The following CDC20B variants were observed in gnomAD, a reference collection of about 807,000 sequenced individuals.
The protein encoded by CDC20B is cell division cycle protein 20 homolog B.
In CDC20B, 58 loss-of-function variants were observed where a neutral mutation model predicts 64.1. That is an observed-to-expected ratio of 0.90 (90% CI 0.73 to 1.13). CDC20B has a LOEUF of 1.13. CDC20B is among the 50% of genes most tolerant of loss of function. The pLI is 0.00. For missense variants in CDC20B, 597 were observed against 633.0 expected (o/e 0.94, Z 0.61); for synonymous variants, 243 against 230.6 (o/e 1.05, Z -0.49).
chr5:55,128,354 T>C (rs1331753368), intron 7 of CDC20B, 67 bp downstream of exon 7: 1 of 1,302,182 alleles, frequency 7.7e-7, no homozygotes, highest in Non-Finnish European at 1.0e-6. Context: ...TAACTTGTTA[T>C]TAAAAGTCAA....
chr5:55,119,023 T>A (rs1742691302), intron 11 of CDC20B, among the ~76,000 whole-genome samples: 1 of 152,110 alleles, frequency 6.6e-6, no homozygotes, highest in Non-Finnish European at 1.5e-5. Flanking sequence ...AAAAAGTACC[T>A]CCCACATAAT....
At chr5:55,169,731 T>A (rs1409993888) in intron 2 of CDC20B, among the ~76,000 whole-genome samples, 2 of 152,214 alleles carry the variant, frequency 1.3e-5, no homozygotes, top group African/African-American at 4.8e-5. Flanking sequence ...GTTGACTGAC[T>A]CATCTGGAAA....
intron 6 of CDC20B, among the ~76,000 whole-genome samples, chr5:55,131,183 A>G (rs1392107559): frequency 6.6e-6 from 1 of 152,162 alleles, no homozygotes; most frequent in African/African-American, 2.4e-5. Flanking sequence ...TGACAACTAC[A>G]ATAACCTAAA....
In CDC20B at chr5:55,120,519, A is replaced by G; in HGVS notation, c.1247T>C (p.Val416Ala). The G allele has an allele frequency of 6.2e-7, 1 of 1,613,722 alleles. No individual in the cohort carries two copies. The highest frequency in any genetic ancestry group is 8.5e-7 in the Non-Finnish European group (1 of 1,179,788). Reference protein sequence around the residue: ...AMDWCPWQSGVLAIGGGMKDG... With the variant: ...AMDWCPWQSGALAIGGGMKDG... ...CTTCATTCCTCCTCCAATGGCAAGG[A>G]CCCCAGACTGCCAGGGACACCAATC... Residue 416 changes from valine (V) to alanine (A), a missense_variant, in exon 10 of 12, where the codon GTC becomes GCC. Val to Ala is a moderately conservative substitution (Grantham distance 64). Around this residue, in one of 3 missense-constraint regions of CDC20B, gnomAD observed 353 missense variants for 397.0 expected, o/e 0.89. Transcript: ENST00000381375.
At chr5:55,125,314 G>A (rs891937482) in intron 8 of CDC20B, among the ~76,000 whole-genome samples, 2 of 152,158 alleles carry the variant, frequency 1.3e-5, no homozygotes, top group Non-Finnish European at 2.9e-5. Context: ...GGAAAAATAA[G>A]CTGAGAAGAT....
chr5:55,143,518 C>G lies in CDC20B; in HGVS notation c.481G>C (p.Gly161Arg). ...GTTTTTTTCTCTTTACCTACCTGCC[C>G]TTTTGAGGCAACACTTTCTTTCCAG... ...RDWKESVASK[G>R]QKCLKQLFVT... Residue 161 changes from glycine to arginine, a missense_variant, in exon 4 of 12, where the codon GGG becomes CGG. Physicochemically the swap from Gly to Arg is moderately radical, Grantham distance 125. Coordinates refer to ENST00000381375, the MANE Select transcript of CDC20B (RefSeq NM_001170402.1). The G allele has an allele frequency of 1.3e-6, 2 of 1,596,456 alleles. No individual in the cohort carries two copies. Among genetic ancestry groups the G allele is most frequent in the Non-Finnish European group, 1.7e-6 (2 of 1,172,050 alleles).
Position 55,119,863 on chromosome 5 carries a change from G to A in CDC20B, c.1397C>T (p.Thr466Ile). ...KTKEIATGQG[T>I]PKNDVTVWTC... Reference sequence around the variant, plus strand: ...CCACACAGTCACATCATTCTTGGGAGTACCTTGACCAGTTGCAATCTCCTT... The same window carrying A: ...CCACACAGTCACATCATTCTTGGGAATACCTTGACCAGTTGCAATCTCCTT... The change falls in exon 11 of 12, where the codon ACT (threonine) becomes ATT (isoleucine). Residue 466 changes from threonine (T) to isoleucine (I), a missense_variant. Coordinates refer to ENST00000381375, the MANE Select transcript of CDC20B (RefSeq NM_001170402.1). 1 of 1,614,070 alleles carries A rather than the reference G, an allele frequency of 6.2e-7. No homozygotes were observed. Among genetic ancestry groups the A allele is most frequent in the Non-Finnish European group, 8.5e-7 (1 of 1,179,932 alleles).
At chr5:55,123,118 G>A (rs1016154700) in intron 9 of CDC20B, among the ~76,000 whole-genome samples, 5 of 152,204 alleles carry the variant, frequency 3.3e-5, no homozygotes, top group African/African-American at 1.2e-4. Flanking sequence ...TACACTCAAA[G>A]TAGAGGTCTT....
At chr5:55,146,335 C>T (rs1443091769) in intron 3 of CDC20B, among the ~76,000 whole-genome samples, 2 of 152,250 alleles carry the variant, frequency 1.3e-5, no homozygotes, top group African/African-American at 4.8e-5. Context: ...CCCGCCCCCA[C>T]ATGGAGTGGC....
intron 9 of CDC20B, among the ~76,000 whole-genome samples, chr5:55,123,402 T>C (rs771792630): frequency 5.3e-5 from 8 of 152,284 alleles, no homozygotes; most frequent in Non-Finnish European, 1.2e-4. Context: ...TATTTATTAA[T>C]AATCATTTTC....
intron 5 of CDC20B, among the ~76,000 whole-genome samples, chr5:55,138,859 A>G (rs1481241125): frequency 6.6e-6 from 1 of 152,124 alleles, no homozygotes; most frequent in Admixed American, 6.5e-5. Flanking sequence ...AGGTTTAAAA[A>G]TAAAAAAGTG....
chr5:55,131,198 A>G (rs1227605961), intron 6 of CDC20B, among the ~76,000 whole-genome samples: 2 of 152,196 alleles, frequency 1.3e-5, no homozygotes, highest in Admixed American at 6.5e-5. Flanking sequence ...CCTAAAAAGT[A>G]GTGGGGACTT....
Position 55,113,975 on chromosome 5 carries a change from G to A in CDC20B, c.*243C>T, listed in dbSNP as rs529639971. On this transcript the variant is annotated 3_prime_UTR_variant, in exon 12 of 12. Coordinates refer to ENST00000381375, the MANE Select transcript of CDC20B (RefSeq NM_001170402.1). ...GAATCTCTAGAAAGGGGTAAGAATGGGAGGAAGAAGAGGAGGGGGAGGAAG... is the reference window on the plus strand; with the variant it reads ...GAATCTCTAGAAAGGGGTAAGAATGAGAGGAAGAAGAGGAGGGGGAGGAAG... The A allele has an allele frequency of 3.4e-5, 18 of 525,156 alleles. No individual in the cohort carries two copies. The highest frequency in any genetic ancestry group is 5.7e-5 in the Non-Finnish European group (18 of 314,414). 32.5% of individuals were successfully genotyped at this position (525,156 alleles called of 1,614,324 possible).
chr5:55,133,458 G>T lies in CDC20B; in HGVS notation c.651C>A (p.Leu217=). The change falls in exon 6 of 12, where the codon CTC becomes CTA. Residue 217 remains leucine, a synonymous_variant. Coordinates refer to ENST00000381375, the MANE Select transcript of CDC20B (RefSeq NM_001170402.1). The part of the protein sequence containing the change: ...KSSGDINDSI[L]QPEVKIHITG... ...TAATATGAATCTTCACCTCTGGTTG[G>T]AGTATGGAATCGTTTATATCACCAG... The T allele has an allele frequency of 6.3e-7, 1 of 1,581,928 alleles. No homozygotes were observed. Among genetic ancestry groups the T allele is most frequent in the Non-Finnish European group, 8.6e-7 (1 of 1,157,946 alleles).
intron 2 of CDC20B, among the ~76,000 whole-genome samples, chr5:55,163,388 T>G (rs557296513): frequency 2.6e-5 from 4 of 151,682 alleles, no homozygotes; most frequent in Non-Finnish European, 4.4e-5. Flanking sequence ...AATAAGGTGA[T>G]TATTCACTTT....
chr5:55,150,239 A>G (rs1743624747), intron 2 of CDC20B, among the ~76,000 whole-genome samples: 1 of 152,262 alleles, frequency 6.6e-6, no homozygotes, highest in Non-Finnish European at 1.5e-5. Flanking sequence ...AATAGTGAAT[A>G]AAACATGCAA....
At chr5:55,121,251 C>T (rs190569407) in intron 9 of CDC20B, among the ~76,000 whole-genome samples, 19 of 152,218 alleles carry the variant, frequency 1.2e-4, no homozygotes, top group Admixed American at 7.9e-4. Flanking sequence ...CTCTCTTCTA[C>T]ACATAAAAAT....
intron 5 of CDC20B, among the ~76,000 whole-genome samples, chr5:55,133,956 T>C (rs966832757): frequency 6.6e-6 from 1 of 152,174 alleles, no homozygotes; most frequent in East Asian, 1.9e-4. Flanking sequence ...TATTGATTCG[T>C]TGATTTTAGC....
intron 11 of CDC20B, among the ~76,000 whole-genome samples, chr5:55,118,368 G>A (rs1027310973): frequency 6.6e-6 from 1 of 152,136 alleles, no homozygotes; most frequent in African/African-American, 2.4e-5. Flanking sequence ...AAGAGAAAAG[G>A]TTAAATGCAC....
Sources: gnomAD v4.1 joint callset for allele counts (sites outside exome capture counted in the v4.1 genomes callset) on GRCh38, gnomAD v4.1.1 for gene constraint, gnomAD v4.1.1 regional missense constraint, MANE v1.5 for transcripts, NCBI Gene and HGNC (gene_info 2026-07-23, HGNC 2026-07-21) for gene names.